The following TRPS1 variants were observed in gnomAD, a reference collection of about 807,000 sequenced individuals.
TRPS1 encodes zinc finger transcription factor Trps1.
Under a neutral mutation model 101.2 loss-of-function variants are expected in TRPS1, and 6 were observed. That is an observed-to-expected ratio of 0.06 (90% CI 0.03 to 0.12). TRPS1 has a LOEUF of 0.12. Ranked by LOEUF, TRPS1 falls within the 10% of genes least tolerant of loss-of-function variation. TRPS1 has a pLI of 1.00. For missense variants in TRPS1, 1,363 were observed against 1,567.0 expected (o/e 0.87, Z 2.20); for synonymous variants, 578 against 589.8 (o/e 0.98, Z 0.29).
intron 5 of TRPS1, among the ~76,000 whole-genome samples, chr8:115,453,535 C>T (rs1460519898): frequency 1.3e-5 from 2 of 150,114 alleles, no homozygotes; most frequent in Non-Finnish European, 3.0e-5. Context: ...CTGTTCTCCA[C>T]CTGCCTTCAG....
chr8:115,451,241 C>T (rs746738217), intron 5 of TRPS1, among the ~76,000 whole-genome samples: 10 of 152,100 alleles, frequency 6.6e-5, no homozygotes, highest in African/African-American at 9.7e-5. Context: ...TTCTGAATAT[C>T]GGAAAATCCA....
At chr8:115,594,278 G>A (rs1411574138) in intron 4 of TRPS1, among the ~76,000 whole-genome samples, 3 of 151,882 alleles carry the variant, frequency 2.0e-5, no homozygotes, top group South Asian at 2.1e-4. Context: ...CTGCCACACT[G>A]ACAGCAAACA....
chr8:115,626,218 T>C (rs907502763), intron 1 of TRPS1, among the ~76,000 whole-genome samples: 5 of 151,322 alleles, frequency 3.3e-5, no homozygotes, highest in Admixed American at 3.3e-4. Flanking sequence ...GCAAACTAGA[T>C]AGCTTCCATA....
At chr8:115,489,305 C>A (rs1353761586) in intron 5 of TRPS1, among the ~76,000 whole-genome samples, 1 of 152,154 alleles carries the variant, frequency 6.6e-6, no homozygotes, top group Non-Finnish European at 1.5e-5. Flanking sequence ...CAAACCAAAA[C>A]AAAGACTGGG....
chr8:115,645,384 A>G (rs904323398), intron 1 of TRPS1, among the ~76,000 whole-genome samples: 3 of 152,176 alleles, frequency 2.0e-5, no homozygotes, highest in Non-Finnish European at 4.4e-5. Context: ...GTAATAACAA[A>G]CCATTTTTAT....
chr8:115,544,464 A>G (rs1487323470), intron 5 of TRPS1, among the ~76,000 whole-genome samples: 2 of 151,984 alleles, frequency 1.3e-5, no homozygotes, highest in Non-Finnish European at 2.9e-5. Flanking sequence ...TCTGCTGAGG[A>G]TGTTGCTAGA....
At chr8:115,593,988 C>G (rs1427453223) in intron 4 of TRPS1, among the ~76,000 whole-genome samples, 1 of 152,074 alleles carries the variant, frequency 6.6e-6, no homozygotes, top group Non-Finnish European at 1.5e-5. Context: ...CCCCTCATCA[C>G]AAAACATCCA....
intron 5 of TRPS1, among the ~76,000 whole-genome samples, chr8:115,485,284 T>C (rs1413703842): frequency 6.6e-6 from 1 of 152,164 alleles, no homozygotes; most frequent in Non-Finnish European, 1.5e-5. Context: ...ACCTCAGTTC[T>C]ATGGATGCAA....
intron 5 of TRPS1, among the ~76,000 whole-genome samples, chr8:115,508,777 C>A (rs939590716): frequency 1.2e-4 from 18 of 151,948 alleles, no homozygotes; most frequent in African/African-American, 4.3e-4. Flanking sequence ...CTAGACCTTT[C>A]TAGAATTTTT....
intron 5 of TRPS1, among the ~76,000 whole-genome samples, chr8:115,423,282 C>T (rs1267701298): frequency 3.9e-5 from 6 of 152,180 alleles, no homozygotes; most frequent in Non-Finnish European, 8.8e-5. Flanking sequence ...AGGCCATTTC[C>T]GTTGGCTGGT....
intron 1 of TRPS1, among the ~76,000 whole-genome samples, chr8:115,645,527 T>G (rs1819005175): frequency 6.6e-6 from 1 of 152,070 alleles, no homozygotes; most frequent in Non-Finnish European, 1.5e-5. Flanking sequence ...GTATTCAAAA[T>G]TAAAACAACC....
chr8:115,442,151 T>G (rs1039693459), intron 5 of TRPS1, among the ~76,000 whole-genome samples: 1 of 152,206 alleles, frequency 6.6e-6, no homozygotes, highest in African/African-American at 2.4e-5. Context: ...GTTCATTATT[T>G]AGTCTACATG....
chr8:115,558,056 G>A (rs1816864751), intron 5 of TRPS1, among the ~76,000 whole-genome samples: 1 of 150,204 alleles, frequency 6.7e-6, no homozygotes, highest in African/African-American at 2.5e-5. Context: ...CTAATTACGA[G>A]GACAGTTCTA....
At chr8:115,465,680 C>A (rs1489731464) in intron 5 of TRPS1, among the ~76,000 whole-genome samples, 2 of 152,024 alleles carry the variant, frequency 1.3e-5, no homozygotes, top group Non-Finnish European at 2.9e-5. Context: ...CTAGAGCAGA[C>A]CTAATTTCTG....
At chr8:115,616,955 T>A (rs1818289159) in intron 3 of TRPS1, among the ~76,000 whole-genome samples, 1 of 152,178 alleles carries the variant, frequency 6.6e-6, no homozygotes, top group Admixed American at 6.5e-5. Context: ...CTGTTCAATA[T>A]TTATTTCAGC....
chr8:115,559,806 T>C (rs1298577479), intron 5 of TRPS1, among the ~76,000 whole-genome samples: 1 of 152,110 alleles, frequency 6.6e-6, no homozygotes, highest in African/African-American at 2.4e-5. Context: ...TTCCCCCAGG[T>C]GTACATCTTT....
At chr8:115,504,245 G>A (rs1307363456) in intron 5 of TRPS1, among the ~76,000 whole-genome samples, 1 of 152,104 alleles carries the variant, frequency 6.6e-6, no homozygotes, top group Non-Finnish European at 1.5e-5. Flanking sequence ...GATGTCCAAG[G>A]CCAAGGGGAA....
chr8:115,609,057 G>A (rs1818104075), intron 3 of TRPS1, among the ~76,000 whole-genome samples: 1 of 151,974 alleles, frequency 6.6e-6, no homozygotes, highest in African/African-American at 2.4e-5. Flanking sequence ...ATGTTGCCCA[G>A]ACTGGTCTTG....
At chr8:115,428,253 T>C (rs937115209) in intron 5 of TRPS1, among the ~76,000 whole-genome samples, 8 of 152,186 alleles carry the variant, frequency 5.3e-5, no homozygotes, top group African/African-American at 1.4e-4. Context: ...AATCAGATAA[T>C]ATAAAAATAT....
Sources: gnomAD v4.1 joint callset for allele counts (sites outside exome capture counted in the v4.1 genomes callset) on GRCh38, gnomAD v4.1.1 for gene constraint, MANE v1.5 for transcripts, NCBI Gene and HGNC (gene_info 2026-07-23, HGNC 2026-07-21) for gene names.